The following TLE4 variants were observed in gnomAD, a reference collection of about 807,000 sequenced individuals.
TLE4 encodes the protein TLE family member 4, transcriptional corepressor.
TLE4 carries 8 observed loss-of-function variants against 92.8 expected under a neutral mutation model. That is an observed-to-expected ratio of 0.09 (90% CI 0.05 to 0.16). TLE4 has a LOEUF of 0.16. TLE4 is among the 10% of genes least tolerant of loss of function. TLE4 has a pLI of 1.00. For missense variants in TLE4, 675 were observed against 997.6 expected (o/e 0.68, Z 4.36); for synonymous variants, 371 against 374.1 (o/e 0.99, Z 0.10).
intron 3 of TLE4, 31 bp from the exon 4 acceptor site, chr9:79,576,102 A>G (rs1435532771): frequency 9.8e-6 from 14 of 1,427,300 alleles, no homozygotes; most frequent in Non-Finnish European, 1.1e-5. Flanking sequence ...GATGAAAGTC[A>G]TGCATTTAAT....
intron 8 of TLE4, among the ~76,000 whole-genome samples, chr9:79,693,244 A>G (rs1451062700): frequency 6.6e-6 from 1 of 151,938 alleles, no homozygotes; most frequent in East Asian, 1.9e-4. Context: ...AGGAATAAAG[A>G]CTCATTTTTC....
intron 8 of TLE4, among the ~76,000 whole-genome samples, chr9:79,687,510 A>G (rs768377214): frequency 6.6e-6 from 1 of 152,182 alleles, no homozygotes; most frequent in Non-Finnish European, 1.5e-5. Context: ...TTTCATTTTT[A>G]TAGAACTTAA....
Position 79,572,768 on chromosome 9 carries a change from C to T in TLE4, c.-23C>T, listed in dbSNP as rs1406230962. The T allele has an allele frequency of 6.3e-6, 10 of 1,596,976 alleles. No individual in the cohort carries two copies. The highest frequency in any genetic ancestry group is 1.1e-5 in the South Asian group (1 of 89,164). On this transcript the variant is annotated 5_prime_UTR_variant, in exon 1 of 20. Transcript: ENST00000376552. ...CAATGAGCCGCGCGCCTCTGCCGAG[C>T]GCAGCCAACTAAATCGGCTTGGATG...
At position 79,668,768 on chromosome 9, in the gene TLE4, A is replaced by G. The variant is rs112595861; in HGVS notation, c.609+14693A>G. On this transcript the variant is annotated intron_variant, in intron 8 of 19. Transcript: ENST00000376552. Reference sequence around the variant, plus strand: ...CTAGCAAATGGAAGTCATCTACTGGAACGCTTTTAATTTGCTTTAAACAAA... The same window carrying G: ...CTAGCAAATGGAAGTCATCTACTGGGACGCTTTTAATTTGCTTTAAACAAA... The G allele has an allele frequency of 9.4e-5, 91 of 972,574 alleles. No homozygotes were observed. In the African/African-American group the frequency reaches 1.5e-3, roughly 16 times the overall value. The allele number at this position is 972,574 out of a possible 1,614,324, so 60.2% of individuals were successfully genotyped here.
At position 79,607,260 on chromosome 9, in the gene TLE4, T is replaced by A. The variant is rs569104869; in HGVS notation, c.253-5396T>A. Among the ~76,000 whole-genome samples the A allele has an allele frequency of 3.9e-5, 6 of 152,322 alleles. No individual in the cohort carries two copies. The East Asian group carries it at 1.2e-3, about 29-fold the overall frequency. ...TAAATTTGTTTAAGTTCTTTGTAGA[T>A]TCTGGATATTAGCCTTTTGTCAGGT... On this transcript the variant is annotated intron_variant, in intron 4 of 19. Transcript: ENST00000376552.
At chr9:79,673,184 C>T (rs1157595682) in intron 8 of TLE4, among the ~76,000 whole-genome samples, 1 of 152,168 alleles carries the variant, frequency 6.6e-6, no homozygotes, top group South Asian at 2.1e-4. Context: ...ACAGTCTTTT[C>T]ATTCTGCAAG....
At position 79,573,780 on chromosome 9, in the gene TLE4, A is replaced by G; in HGVS notation, c.137A>G (p.Tyr46Cys). 1.3e-6 allele frequency: 2 copies of G among 1,590,840 alleles called. No homozygotes were observed. Among genetic ancestry groups the G allele is most frequent in the Non-Finnish European group, 1.7e-6 (2 of 1,163,038 alleles). ...GAGTTTCAGTTTTTACAGGCTCAAT[A>G]CCACAGGTAACGATATTGACTTTAG... ...KEEFQFLQAQYHSLKLECEKL... is the reference protein window; with the variant it reads ...KEEFQFLQAQCHSLKLECEKL... The change falls in exon 2 of 20, where the codon TAC becomes TGC. Residue 46 changes from tyrosine (Y) to cysteine (C), a missense_variant. This residue lies in a region of TLE4 where 68 missense variants were observed against 141.2 expected (regional missense o/e 0.48). Coordinates refer to ENST00000376552, the MANE Select transcript of TLE4 (RefSeq NM_007005.6).
chr9:79,680,649 A>G (rs534458624), intron 8 of TLE4, among the ~76,000 whole-genome samples: 1 of 152,304 alleles, frequency 6.6e-6, no homozygotes, highest in South Asian at 2.1e-4. Context: ...CATGGCCAGA[A>G]CTTCCAACAC....
At chr9:79,589,032 G>A in intron 4 of TLE4, among the ~76,000 whole-genome samples, 1 of 151,994 alleles carries the variant, frequency 6.6e-6, no homozygotes, top group Non-Finnish European at 1.5e-5. Flanking sequence ...CTACTGGCAT[G>A]TAGTGGGTAG....
intron 4 of TLE4, chr9:79,576,565 C>T (rs1177394241): frequency 6.5e-6 from 1 of 153,686 alleles, no homozygotes; most frequent in East Asian, 1.9e-4. Context: ...TGTGTGGCGC[C>T]TTCGTTGGCT....
chr9:79,612,254 A>T (rs1285540892), intron 4 of TLE4, among the ~76,000 whole-genome samples: 1 of 152,122 alleles, frequency 6.6e-6, no homozygotes, highest in South Asian at 2.1e-4. Flanking sequence ...TTGCTAATTG[A>T]TGGAGTTGAG....
Position 79,706,776 on chromosome 9 carries a change from A to C in TLE4, c.813A>C (p.Ala271=). Residue 271 remains alanine, a synonymous_variant, in exon 11 of 20, where the codon GCA becomes GCC. Coordinates refer to ENST00000376552, the MANE Select transcript of TLE4 (RefSeq NM_007005.6). The part of the protein sequence containing the change: ...EDPSSPRGSP[A]HSPRENGLDK... Reference sequence around the variant, plus strand: ...CATCTTCCCCTCGAGGGAGCCCAGCACATTCCCCCAGAGAGAATGGCCTAG... The same window carrying C: ...CATCTTCCCCTCGAGGGAGCCCAGCCCATTCCCCCAGAGAGAATGGCCTAG... The C allele has an allele frequency of 6.2e-7, 1 of 1,614,112 alleles. No individual in the cohort carries two copies. Among genetic ancestry groups the C allele is most frequent in the Non-Finnish European group, 8.5e-7 (1 of 1,180,000 alleles).
At chr9:79,629,276 CTTTG>C (rs995326883) in intron 6 of TLE4, among the ~76,000 whole-genome samples, 2 of 151,696 alleles carry the variant, frequency 1.3e-5, no homozygotes, top group African/African-American at 4.8e-5. Context: ...ATAAAAAACA[CTTTG>C]TTTATGTGTT....
rs554370819 is a variant in TLE4, at chr9:79,706,663, T to C, written c.784-84T>C. The C allele has an allele frequency of 7.7e-5, 115 of 1,502,058 alleles. No individual in the cohort carries two copies. The African/African-American group carries it at 1.6e-3, about 20-fold the overall frequency. The allele number at this position is 1,502,058 out of a possible 1,614,324, so 93.0% of individuals were successfully genotyped here. Reference sequence around the variant, plus strand: ...TGCTTCTAAGCATGCATTAAATGCTTTTGGCTAGAAATGTCCACACCCAAC... The same window carrying C: ...TGCTTCTAAGCATGCATTAAATGCTCTTGGCTAGAAATGTCCACACCCAAC... On this transcript the variant is annotated intron_variant, in intron 10 of 19. Coordinates refer to ENST00000376552, the MANE Select transcript of TLE4 (RefSeq NM_007005.6).
At chr9:79,601,181 A>C (rs1051142889) in intron 4 of TLE4, among the ~76,000 whole-genome samples, 1 of 152,198 alleles carries the variant, frequency 6.6e-6, no homozygotes, top group African/African-American at 2.4e-5. Flanking sequence ...CCCATCAGGA[A>C]TTGTCCAGAA....
At chr9:79,722,692 C>A in intron 18 of TLE4, 91 bp downstream of exon 18, 1 of 1,458,670 alleles carries the variant, frequency 6.9e-7, no homozygotes, top group South Asian at 1.3e-5. Flanking sequence ...TCCTTGAGTT[C>A]ATTACCATGC....
At chr9:79,719,602 CA>C (rs1351567790) in intron 15 of TLE4, among the ~76,000 whole-genome samples, 1 of 152,074 alleles carries the variant, frequency 6.6e-6, no homozygotes, top group African/African-American at 2.4e-5. Flanking sequence ...GCAAAAGGAA[CA>C]GACTGCCAGG....
chr9:79,652,429 C>T (rs575826121), intron 6 of TLE4, among the ~76,000 whole-genome samples, 164 bp from the exon 7 acceptor site: 14 of 152,222 alleles, frequency 9.2e-5, no homozygotes, highest in South Asian at 4.1e-4. Flanking sequence ...CCTCGTGATC[C>T]GCCTGCCTCG....
Position 79,572,705 on chromosome 9 carries a change from C to G in TLE4, c.-86C>G. On this transcript the variant is annotated 5_prime_UTR_variant, in exon 1 of 20. Coordinates refer to ENST00000376552, the MANE Select transcript of TLE4 (RefSeq NM_007005.6). The stretch of plus-strand genomic sequence containing the variant: ...CCCCTCAGACCGAGCCGGCCGCCTC[C>G]GCTGCCGCGGCCGCCTCCTCTTCGG... 1 of 1,460,370 alleles carries G rather than the reference C, an allele frequency of 6.8e-7. No homozygotes were observed. Among genetic ancestry groups the G allele is most frequent in the Non-Finnish European group, 9.4e-7 (1 of 1,065,424 alleles). 90.5% of individuals were successfully genotyped at this position (1,460,370 alleles called of 1,614,324 possible). A position where few individuals can be genotyped will look rare whatever the true frequency, so the allele number is the denominator to read the frequency against.
Sources: allele counts gnomAD v4.1 joint callset (sites outside exome capture counted in the v4.1 genomes callset), GRCh38; gene constraint gnomAD v4.1.1; regional missense constraint gnomAD v4.1.1; transcripts MANE v1.5; gene names NCBI Gene and HGNC (gene_info 2026-07-23, HGNC 2026-07-21).